HHIPL1: variants seen among roughly 807,000 people sequenced by gnomAD.
HHIPL1 encodes HHIP like 1.
A neutral mutation model predicts 61.8 loss-of-function variants in HHIPL1; 43 were observed. That is an observed-to-expected ratio of 0.70 (90% CI 0.55 to 0.90). The LOEUF (loss-of-function observed/expected upper bound fraction) is 0.90. Ranked by LOEUF, HHIPL1 falls within the 40% of genes least tolerant of loss-of-function variation. The probability of loss-of-function intolerance (pLI) is 0.00; values close to 1 mark genes in which losing one functional copy is unlikely to be tolerated. For synonymous variants in HHIPL1, 482 were observed against 515.8 expected (o/e 0.93, Z 0.89); for missense variants, 1,056 against 1,157.7 (o/e 0.91, Z 1.28).
chr14:99,636,779 G>C, the HHIPL1 span, among the ~76,000 whole-genome samples: 1 of 151,444 alleles, frequency 6.6e-6, no homozygotes, highest in Non-Finnish European at 1.5e-5. Flanking sequence ...CTTGAGCCCA[G>C]GAGTTTGAGA....
intron 7 of HHIPL1, among the ~76,000 whole-genome samples, chr14:99,671,828 G>A (rs1595170886): frequency 6.6e-6 from 1 of 152,106 alleles, no homozygotes; most frequent in East Asian, 1.9e-4. Flanking sequence ...CGTCCTTTAG[G>A]TGGTTCCAGG....
the HHIPL1 span, among the ~76,000 whole-genome samples, chr14:99,639,653 G>A: frequency 6.6e-6 from 1 of 151,258 alleles, no homozygotes; most frequent in African/African-American, 2.4e-5. Flanking sequence ...GGTAGGCCTT[G>A]TTTTTTTGTT....
At chr14:99,637,153 A>C in the HHIPL1 span, among the ~76,000 whole-genome samples, 1 of 138,668 alleles carries the variant, frequency 7.2e-6, no homozygotes, top group Non-Finnish European at 1.6e-5. Flanking sequence ...GGAGGCAGAA[A>C]GAAAGAAAGA....
chr14:99,657,017 A>G lies in HHIPL1; in HGVS notation c.920A>G (p.Lys307Arg), dbSNP rs1233309192. Reference protein sequence around the residue: ...HSSERIILEVKEPASNHNGGQ... With the variant: ...HSSERIILEVREPASNHNGGQ... ...TCCTTTAGGATAATCCTGGAGGTCAAAGAACCAGCCTCAAACCACAACGGG... is the reference window on the plus strand; with the variant it reads ...TCCTTTAGGATAATCCTGGAGGTCAGAGAACCAGCCTCAAACCACAACGGG... Residue 307 changes from lysine (K) to arginine (R), a missense_variant, in exon 3 of 9, where the codon AAA becomes AGA. Lys to Arg is a conservative substitution (Grantham distance 26). Transcript: ENST00000330710. 7 of 1,610,910 alleles carry G rather than the reference A, an allele frequency of 4.3e-6. No homozygotes were observed. The highest frequency in any genetic ancestry group is 4.2e-6 in the Non-Finnish European group (5 of 1,178,458).
chr14:99,648,460 C>T (rs1272255601), intron 1 of HHIPL1, among the ~76,000 whole-genome samples: 3 of 152,180 alleles, frequency 2.0e-5, no homozygotes, highest in Admixed American at 2.0e-4. Context: ...ATTCTCCTAA[C>T]CGCTTTGCCA....
Position 99,662,976 on chromosome 14 carries a change from A to G in HHIPL1, c.1603A>G (p.Asn535Asp). 6.2e-7 allele frequency: 1 copy of G among 1,613,880 alleles called. No homozygotes were observed. Among genetic ancestry groups the G allele is most frequent in the Non-Finnish European group, 8.5e-7 (1 of 1,179,892 alleles). The change falls in exon 6 of 9, where the codon AAC becomes GAC. Residue 535 changes from asparagine (N) to aspartate (D), a missense_variant. By Grantham distance (23) the Asn-to-Asp change is conservative. Coordinates refer to ENST00000330710, the MANE Select transcript of HHIPL1 (RefSeq NM_001127258.3). ...GACCTGTGAGTTCCCAGGCCTCATC[A>G]ACAACTACTACCCGTACATCATCTC... ...GQTCEFPGLI[N>D]NYYPYIISFG... is the part of the protein sequence containing the mutation.
At chr14:99,665,820 C>T (rs571733537) in intron 6 of HHIPL1, among the ~76,000 whole-genome samples, 8 of 152,044 alleles carry the variant, frequency 5.3e-5, no homozygotes, top group Admixed American at 3.3e-4. Context: ...CTCGCTCTGT[C>T]GCCCAGGCTG....
At chr14:99,646,827 G>A (rs61984398) in intron 1 of HHIPL1, among the ~76,000 whole-genome samples, 31,873 of 83,126 alleles carry the variant, frequency 0.38, 3,906 homozygotes, top group Middle Eastern at 0.5. Flanking sequence ...GATATGATAT[G>A]ATATGATATA....
upstream of HHIPL1, among the ~76,000 whole-genome samples, chr14:99,641,047 C>G (rs1204927414): frequency 6.6e-6 from 1 of 151,852 alleles, no homozygotes; most frequent in African/African-American, 2.4e-5. Context: ...CCACCACACC[C>G]AGCTAATTTT....
upstream of HHIPL1, among the ~76,000 whole-genome samples, chr14:99,641,150 G>T (rs752937612): frequency 2.6e-5 from 4 of 151,912 alleles, no homozygotes; most frequent in Non-Finnish European, 4.4e-5. Context: ...GCCTCCCAAC[G>T]TGTTGGGATT....
At chr14:99,621,091 C>T in the HHIPL1 span, among the ~76,000 whole-genome samples, 3 of 152,202 alleles carry the variant, frequency 2.0e-5, no homozygotes, top group Admixed American at 6.5e-5. Flanking sequence ...TTGCCCTGCT[C>T]TTTATGTTAT....
At chr14:99,617,577 G>T in the HHIPL1 span, among the ~76,000 whole-genome samples, 2 of 152,156 alleles carry the variant, frequency 1.3e-5, no homozygotes, top group Non-Finnish European at 2.9e-5. Context: ...GCATTTTAGT[G>T]TTACATGATT....
In HHIPL1 at chr14:99,659,391, C is replaced by T. The variant is rs1236382854; in HGVS notation, c.1047-37C>T. The T allele has an allele frequency of 7.9e-6, 11 of 1,383,998 alleles. No homozygotes were observed. In the Admixed American group the frequency reaches 1.0e-4, roughly 13 times the overall value. 85.7% of individuals were successfully genotyped at this position (1,383,998 alleles called of 1,614,324 possible). A position where few individuals can be genotyped will look rare whatever the true frequency, so the allele number is the denominator to read the frequency against. Reference sequence around the variant, plus strand: ...GGAGCCCGTGAGCCCTGGCTCAGGGCGACCCCGAGCCGCGCCCTCTCCCAC... The same window carrying T: ...GGAGCCCGTGAGCCCTGGCTCAGGGTGACCCCGAGCCGCGCCCTCTCCCAC... On this transcript the variant is annotated intron_variant, in intron 3 of 8. Coordinates refer to ENST00000330710, the MANE Select transcript of HHIPL1 (RefSeq NM_001127258.3).
At chr14:99,665,761 G>A (rs1281771041) in intron 6 of HHIPL1, among the ~76,000 whole-genome samples, 4 of 151,866 alleles carry the variant, frequency 2.6e-5, no homozygotes, top group African/African-American at 9.7e-5. Context: ...TGTTGTTATT[G>A]TTGTTGTTGT....
intron 2 of HHIPL1, among the ~76,000 whole-genome samples, chr14:99,655,832 G>C (rs2056018766): frequency 6.6e-6 from 1 of 152,178 alleles, no homozygotes; most frequent in Admixed American, 6.5e-5. Flanking sequence ...AGGAACAAAG[G>C]GAAAAAGTCC....
chr14:99,667,981 A>G (rs1179022212), intron 6 of HHIPL1, among the ~76,000 whole-genome samples: 1 of 152,202 alleles, frequency 6.6e-6, no homozygotes, highest in African/African-American at 2.4e-5. Flanking sequence ...GGGTCCAGGC[A>G]GAGTGCCTGA....
the HHIPL1 span, among the ~76,000 whole-genome samples, chr14:99,617,137 T>A: frequency 1.3e-5 from 2 of 152,046 alleles, no homozygotes; most frequent in African/African-American, 4.8e-5. Flanking sequence ...GTAGATCAGA[T>A]GAAAAATTAA....
chr14:99,674,538 C>G (rs1024830650), intron 8 of HHIPL1, among the ~76,000 whole-genome samples: 1 of 152,152 alleles, frequency 6.6e-6, no homozygotes, highest in Non-Finnish European at 1.5e-5. Flanking sequence ...GAGATTCACC[C>G]TGACCCCAGG....
upstream of HHIPL1, among the ~76,000 whole-genome samples, chr14:99,643,012 A>G (rs888015719): frequency 6.6e-6 from 1 of 151,778 alleles, no homozygotes; most frequent in African/African-American, 2.4e-5. Flanking sequence ...GTCATGTCCC[A>G]GGCTGGCTCT....
Sources: gnomAD v4.1 joint callset for allele counts (sites outside exome capture counted in the v4.1 genomes callset) on GRCh38, gnomAD v4.1.1 for gene constraint, MANE v1.5 for transcripts, NCBI Gene and HGNC (gene_info 2026-07-23, HGNC 2026-07-21) for gene names.